WIPF2: variants seen among roughly 807,000 people sequenced by gnomAD.
The protein encoded by WIPF2 is WAS/WASL-interacting protein family member 2.
A neutral mutation model predicts 38.8 loss-of-function variants in WIPF2; 23 were observed. The observed-to-expected ratio is 0.59, with a 90% CI of 0.43 to 0.84. The LOEUF (loss-of-function observed/expected upper bound fraction) is 0.84. Among genes scored for constraint, WIPF2 ranks in the 40% least tolerant of loss-of-function variants. The pLI is 0.00. For missense variants in WIPF2, 574 were observed against 580.5 expected (o/e 0.99, Z 0.11); for synonymous variants, 210 against 223.2 (o/e 0.94, Z 0.53).
chr17:40,261,023 C>T (rs1480950367), intron 3 of WIPF2, among the ~76,000 whole-genome samples: 1 of 133,406 alleles, frequency 7.5e-6, no homozygotes, highest in Non-Finnish European at 1.6e-5. Context: ...AAGACCCTGT[C>T]TCTCAAAAAG....
chr17:40,225,719 C>T (rs373026128), intron 1 of WIPF2, among the ~76,000 whole-genome samples: 2 of 152,092 alleles, frequency 1.3e-5, no homozygotes, highest in Non-Finnish European at 2.9e-5. Context: ...AGTGTGGCGG[C>T]GTGATCTGTA....
chr17:40,267,620 A>G (rs1265113768), intron 5 of WIPF2, among the ~76,000 whole-genome samples: 3 of 152,004 alleles, frequency 2.0e-5, no homozygotes, highest in Admixed American at 1.3e-4. Context: ...GCTCATTGCA[A>G]CCTCTTCCTC....
At chr17:40,253,065 C>CT (rs767389253) in intron 1 of WIPF2, among the ~76,000 whole-genome samples, 3,149 of 130,550 alleles carry the variant, frequency 0.024, 128 homozygotes, top group African/African-American at 0.08. Context: ...CGCGCCTGGA[C>CT]TTTTTTTTTT....
At position 40,219,315 on chromosome 17, in the gene WIPF2, G is replaced by C. The variant is rs2030055898; in HGVS notation, c.-247G>C. ...TTTCCCCCGCCTCCATTTTGTTCGCGGACGCTGGGGACGGTGGGAGCAGAT... is the reference window on the plus strand; with the variant it reads ...TTTCCCCCGCCTCCATTTTGTTCGCCGACGCTGGGGACGGTGGGAGCAGAT... On this transcript the variant is annotated 5_prime_UTR_variant, in exon 1 of 8. Transcript: ENST00000323571. 1 of 298,772 alleles carries C rather than the reference G, an allele frequency of 3.3e-6. No homozygotes were observed. The highest frequency in any genetic ancestry group is 6.4e-6 in the Non-Finnish European group (1 of 155,178). The allele number at this position is 298,772 out of a possible 1,614,324, so 18.5% of individuals were successfully genotyped here.
intron 4 of WIPF2, among the ~76,000 whole-genome samples, chr17:40,262,903 A>G (rs2031956969): frequency 6.6e-6 from 1 of 152,226 alleles, no homozygotes; most frequent in Non-Finnish European, 1.5e-5. Flanking sequence ...ATTTCTGATA[A>G]TATGGATGAA....
intron 1 of WIPF2, among the ~76,000 whole-genome samples, chr17:40,255,915 C>A (rs1349298241): frequency 1.3e-5 from 2 of 151,890 alleles, no homozygotes; most frequent in Non-Finnish European, 2.9e-5. Context: ...CATGAGCCAC[C>A]GCGCCTGGCC....
At chr17:40,225,574 C>T (rs533176492) in intron 1 of WIPF2, among the ~76,000 whole-genome samples, 1 of 152,292 alleles carries the variant, frequency 6.6e-6, no homozygotes, top group Non-Finnish European at 1.5e-5. Context: ...ATGTGTTCTA[C>T]TTAGTAAATA....
intron 1 of WIPF2, among the ~76,000 whole-genome samples, chr17:40,247,362 G>T (rs2031405660): frequency 6.7e-6 from 1 of 149,924 alleles, no homozygotes; most frequent in Non-Finnish European, 1.5e-5. Flanking sequence ...AGGATTACAG[G>T]TGCGTGCCAC....
At chr17:40,273,591 A>G (rs1008074787) in intron 5 of WIPF2, 199 bp from the exon 6 acceptor site, 8 of 548,054 alleles carry the variant, frequency 1.5e-5, no homozygotes, top group Non-Finnish European at 2.3e-5. Context: ...ACTGGTAGGA[A>G]ATGTAAAAAG....
chr17:40,227,060 G>A (rs1308881064), intron 1 of WIPF2, among the ~76,000 whole-genome samples: 1 of 148,468 alleles, frequency 6.7e-6, no homozygotes, highest in Non-Finnish European at 1.5e-5. Flanking sequence ...ATTTTTTTTT[G>A]AGACAGAGTT....
intron 1 of WIPF2, among the ~76,000 whole-genome samples, chr17:40,247,471 G>A (rs1288209739): frequency 2.0e-5 from 3 of 150,612 alleles, no homozygotes; most frequent in East Asian, 2.0e-4. Flanking sequence ...CACCTGCCTC[G>A]GCCTCCCAAA....
intron 1 of WIPF2, among the ~76,000 whole-genome samples, chr17:40,252,371 C>A (rs1286874111): frequency 1.3e-5 from 2 of 152,044 alleles, no homozygotes; most frequent in African/African-American, 4.8e-5. Flanking sequence ...GCTGATAGAA[C>A]TAGAAACCCA....
At chr17:40,237,519 G>A (rs892864803) in intron 1 of WIPF2, among the ~76,000 whole-genome samples, 4 of 151,928 alleles carry the variant, frequency 2.6e-5, no homozygotes, top group East Asian at 3.9e-4. Flanking sequence ...TCGGATAACA[G>A]GTGTGAGCTA....
At chr17:40,276,550 T>C (rs2032407230) in intron 6 of WIPF2, among the ~76,000 whole-genome samples, 1 of 146,302 alleles carries the variant, frequency 6.8e-6, no homozygotes, top group African/African-American at 2.5e-5. Flanking sequence ...AAAAGAATTA[T>C]ATTTCTTTCT....
Position 40,219,362 on chromosome 17 carries a change from G to GGGTGGT in WIPF2, c.-198_-197insTGGTGG. The GGGTGGT allele has an allele frequency of 2.6e-6, 1 of 378,470 alleles. No homozygotes were observed. The highest frequency in any genetic ancestry group is 5.0e-6 in the Non-Finnish European group (1 of 201,204). 23.4% of individuals were successfully genotyped at this position (378,470 alleles called of 1,614,324 possible). On this transcript the variant is annotated 5_prime_UTR_variant, in exon 1 of 8. Coordinates refer to ENST00000323571, the MANE Select transcript of WIPF2 (RefSeq NM_133264.5). ...AGATCCATTTCCGGGTTGGCAAAAG[G>GGGTGGT]GGCGGTGGCGGCGGCGGCGGCGGCG... is the stretch of plus-strand genomic sequence containing the variant.
At chr17:40,255,719 C>T (rs1329885254) in intron 1 of WIPF2, among the ~76,000 whole-genome samples, 1 of 150,798 alleles carries the variant, frequency 6.6e-6, no homozygotes, top group Non-Finnish European at 1.5e-5. Flanking sequence ...AGCTCCGCCT[C>T]CTGGTTTCAC....
At chr17:40,239,034 C>T (rs1237958352) in intron 1 of WIPF2, among the ~76,000 whole-genome samples, 4 of 146,316 alleles carry the variant, frequency 2.7e-5, no homozygotes, top group Non-Finnish European at 6.0e-5. Context: ...TGTCTGGCTT[C>T]TGTTTATTTT....
intron 1 of WIPF2, among the ~76,000 whole-genome samples, chr17:40,221,571 CTCTG>C (rs1417700994): frequency 2.6e-5 from 4 of 151,752 alleles, no homozygotes; most frequent in Non-Finnish European, 5.9e-5. Flanking sequence ...CCATCTCTCT[CTCTG>C]TCTCTTTTTT....
At chr17:40,258,655 C>G (rs2031805338) in intron 2 of WIPF2, among the ~76,000 whole-genome samples, 1 of 151,786 alleles carries the variant, frequency 6.6e-6, no homozygotes, top group Non-Finnish European at 1.5e-5. Context: ...TCAATGAAGG[C>G]TTTTAGGTAG....
Sources: allele counts gnomAD v4.1 joint callset (sites outside exome capture counted in the v4.1 genomes callset), GRCh38; gene constraint gnomAD v4.1.1; transcripts MANE v1.5; gene names NCBI Gene and HGNC (gene_info 2026-07-23, HGNC 2026-07-21).